SAMD5: variants seen among roughly 807,000 people sequenced by gnomAD.
The protein encoded by SAMD5 is sterile alpha motif domain-containing protein 5.
A neutral mutation model predicts 11.3 loss-of-function variants in SAMD5; 13 were observed. The observed-to-expected ratio is 1.15, with a 90% CI of 0.75 to 1.83. SAMD5 has a LOEUF of 1.83. Ranked by LOEUF, SAMD5 falls within the 40% of genes most tolerant of loss-of-function variation. SAMD5 has a pLI of 0.00. For synonymous variants in SAMD5, 129 were observed against 111.3 expected (o/e 1.16, Z -1.00); for missense variants, 255 against 239.1 (o/e 1.07, Z -0.44).
intron 1 of SAMD5, among the ~76,000 whole-genome samples, chr6:147,578,769 A>T (rs1789254082): frequency 7.0e-6 from 1 of 143,602 alleles, no homozygotes; most frequent in African/African-American, 2.6e-5. Flanking sequence ...CATACAGAAC[A>T]TCAAAAGTAA....
Position 147,684,758 on chromosome 6 carries a change from T to C in SAMD5, c.163-52559T>C, listed in dbSNP as rs367837951. ...TTCACTTTGCACAGGATTGCAGTTC[T>C]GTAAAAATTATCATGTAAAATGAAA... On this transcript the variant is annotated intron_variant, in intron 1 of 1. Transcript: ENST00000566741. Among the ~76,000 whole-genome samples, 27 of 152,370 alleles carry C rather than the reference T, an allele frequency of 1.8e-4. No homozygotes were observed. In the South Asian group the frequency reaches 3.3e-3, roughly 19 times the overall value.
In SAMD5 at chr6:147,564,522, G is replaced by A. The variant is rs748023011; in HGVS notation, c.*66G>A. 7 of 906,470 alleles carry A rather than the reference G, an allele frequency of 7.7e-6. No homozygotes were observed. The highest frequency in any genetic ancestry group is 1.3e-5 in the Non-Finnish European group (7 of 544,972). The allele number at this position is 906,470 out of a possible 1,614,324, so 56.2% of individuals were successfully genotyped here. ...TGAAGACTGGAAAAGGGCATATTTA[G>A]AACCTTCTTTCAAAAAGGGAAATGG... On this transcript the variant is annotated 3_prime_UTR_variant, in exon 2 of 2. Coordinates refer to ENST00000367474, the MANE Select transcript of SAMD5 (RefSeq NM_001030060.3).
At chr6:147,853,971 C>A in the SAMD5 span, among the ~76,000 whole-genome samples, 1 of 152,152 alleles carries the variant, frequency 6.6e-6, no homozygotes, top group Non-Finnish European at 1.5e-5. Flanking sequence ...AAGTCGATTG[C>A]TTAAAAATAC....
chr6:147,579,251 T>C (rs1789261170), intron 1 of SAMD5, among the ~76,000 whole-genome samples: 1 of 152,192 alleles, frequency 6.6e-6, no homozygotes, highest in South Asian at 2.1e-4. Flanking sequence ...GATACATGCT[T>C]ACATACTGGG....
chr6:147,751,683 C>G, the SAMD5 span, among the ~76,000 whole-genome samples: 1 of 152,152 alleles, frequency 6.6e-6, no homozygotes, highest in Non-Finnish European at 1.5e-5. Context: ...ATGGATCAAA[C>G]CAGATGACAC....
intron 1 of SAMD5, among the ~76,000 whole-genome samples, chr6:147,638,554 T>C (rs1026094312): frequency 7.9e-5 from 12 of 152,214 alleles, no homozygotes; most frequent in Non-Finnish European, 1.8e-4. Context: ...TGAGCCTGGT[T>C]TGAAATTCAG....
the SAMD5 span, among the ~76,000 whole-genome samples, chr6:147,858,677 G>A: frequency 4.4e-3 from 667 of 152,232 alleles, 6 homozygotes; most frequent in African/African-American, 0.015. Context: ...TCATTAAATC[G>A]CCCCATCAGG....
At chr6:147,860,243 G>A in the SAMD5 span, among the ~76,000 whole-genome samples, 1 of 152,144 alleles carries the variant, frequency 6.6e-6, no homozygotes, top group Non-Finnish European at 1.5e-5. Context: ...TTCTCCCTAT[G>A]TGTTCCGTTT....
the SAMD5 span, among the ~76,000 whole-genome samples, chr6:147,779,870 T>A: frequency 3.6e-4 from 55 of 152,318 alleles, no homozygotes; most frequent in African/African-American, 1.3e-3. Flanking sequence ...AATATAAGGC[T>A]CTCAGCACTT....
chr6:147,800,053 CCTT>C, the SAMD5 span, among the ~76,000 whole-genome samples: 536 of 152,300 alleles, frequency 3.5e-3, 1 homozygote, highest in Non-Finnish European at 5.0e-3. Flanking sequence ...TCGTCTGAAG[CCTT>C]CTTCTCTCAG....
At chr6:147,770,513 C>T in the SAMD5 span, among the ~76,000 whole-genome samples, 2 of 152,098 alleles carry the variant, frequency 1.3e-5, no homozygotes, top group African/African-American at 4.8e-5. Context: ...ATTTTATGGA[C>T]CATTCTTTTT....
the SAMD5 span, among the ~76,000 whole-genome samples, chr6:147,852,890 T>C: frequency 6.6e-6 from 1 of 152,198 alleles, no homozygotes; most frequent in African/African-American, 2.4e-5. Flanking sequence ...ACTAATTTGT[T>C]AGGAATATTT....
chr6:147,617,381 C>T (rs1053958951), intron 1 of SAMD5, among the ~76,000 whole-genome samples: 5 of 152,236 alleles, frequency 3.3e-5, no homozygotes, highest in Non-Finnish European at 4.4e-5. Flanking sequence ...GAAAAGTACC[C>T]GGAAAAAGCA....
At chr6:147,827,794 AT>A in the SAMD5 span, among the ~76,000 whole-genome samples, 787 of 146,024 alleles carry the variant, frequency 5.4e-3, 13 homozygotes, top group South Asian at 0.042. Flanking sequence ...CTAACATGAC[AT>A]TTTTTTTTTT....
the SAMD5 span, among the ~76,000 whole-genome samples, chr6:147,790,770 TTCTCTC>T: frequency 0.024 from 2,067 of 87,898 alleles, 56 homozygotes; most frequent in Admixed American, 0.038. Flanking sequence ...CTCTCTCTCT[TTCTCTC>T]TCTCTCTCTC....
chr6:147,922,109 C>T, the SAMD5 span, among the ~76,000 whole-genome samples: 4 of 152,118 alleles, frequency 2.6e-5, no homozygotes, highest in East Asian at 3.9e-4. Flanking sequence ...CCAGTATACC[C>T]ATTCTCCTGA....
intron 1 of SAMD5, among the ~76,000 whole-genome samples, chr6:147,601,968 A>C (rs1178631719): frequency 6.6e-6 from 1 of 152,224 alleles, no homozygotes; most frequent in African/African-American, 2.4e-5. Flanking sequence ...GAAGGGGCTG[A>C]AGACTCAGCA....
rs573146474 is a variant in SAMD5 at position 147,624,392 on chromosome 6, C to G, written c.163-112925C>G. 3.0e-3 allele frequency among the ~76,000 whole-genome samples: 464 copies of G among 152,262 alleles called. 1 individual carries two copies. Among genetic ancestry groups the G allele is most frequent in the Admixed American group, 6.4e-3 (98 of 15,290 alleles). On this transcript the variant is annotated intron_variant, in intron 1 of 1. Transcript: ENST00000566741. The stretch of plus-strand genomic sequence containing the variant: ...GCCACAGGAAGCAAGGCTCAGCCAC[C>G]TGGAGTGTGCGTTTTGCTCCTCCAG...
chr6:147,549,283 C>T (rs1788731777), intron 1 of SAMD5, among the ~76,000 whole-genome samples: 1 of 152,164 alleles, frequency 6.6e-6, no homozygotes, highest in Non-Finnish European at 1.5e-5. Flanking sequence ...GAGTTTCAAC[C>T]AGCATCACAT....
Sources: allele counts gnomAD v4.1 joint callset (sites outside exome capture counted in the v4.1 genomes callset), GRCh38; gene constraint gnomAD v4.1.1; transcripts MANE v1.5; gene names NCBI Gene and HGNC (gene_info 2026-07-23, HGNC 2026-07-21).